EFNA5: variants seen among roughly 807,000 people sequenced by gnomAD.
The protein encoded by EFNA5 is ephrin A5.
In EFNA5, 5 loss-of-function variants were observed where a neutral mutation model predicts 22.9. That is an observed-to-expected ratio of 0.22 (90% CI 0.11 to 0.46). EFNA5 has a LOEUF of 0.46. Among genes scored for constraint, EFNA5 ranks in the 20% least tolerant of loss-of-function variants. The probability of loss-of-function intolerance (pLI) is 0.99; values close to 1 mark genes in which losing one functional copy is unlikely to be tolerated. For missense variants in EFNA5, 237 were observed against 293.3 expected (o/e 0.81, Z 1.40); for synonymous variants, 113 against 112.2 (o/e 1.01, Z -0.04).
At chr5:107,606,582 C>CAG (rs398050642) in intron 1 of EFNA5, among the ~76,000 whole-genome samples, 3,019 of 143,472 alleles carry the variant, frequency 0.021, 106 homozygotes, top group African/African-American at 0.072. Context: ...CACACACACA[C>CAG]AGAGCTAGTA....
chr5:107,461,495 A>T (rs1211594473), intron 1 of EFNA5, among the ~76,000 whole-genome samples: 1 of 152,100 alleles, frequency 6.6e-6, no homozygotes, highest in Non-Finnish European at 1.5e-5. Flanking sequence ...GAGGGGGGAA[A>T]AAAAGACCTT....
chr5:107,603,639 T>C (rs1446179786), intron 1 of EFNA5, among the ~76,000 whole-genome samples: 1 of 152,244 alleles, frequency 6.6e-6, no homozygotes, highest in Non-Finnish European at 1.5e-5. Flanking sequence ...CATCAGTGTT[T>C]TACATGTGTT....
intron 1 of EFNA5, among the ~76,000 whole-genome samples, chr5:107,522,578 ATTAT>A (rs1184524708): frequency 1.3e-5 from 2 of 152,044 alleles, no homozygotes; most frequent in Admixed American, 6.6e-5. Flanking sequence ...TTAAAAATAA[ATTAT>A]TTATTTTTTT....
intron 1 of EFNA5, among the ~76,000 whole-genome samples, chr5:107,518,704 G>A (rs1747533654): frequency 6.6e-6 from 1 of 152,132 alleles, no homozygotes; most frequent in Admixed American, 6.5e-5. Context: ...GCACCCCTAT[G>A]AGCTGCTGAA....
intron 1 of EFNA5, among the ~76,000 whole-genome samples, chr5:107,520,041 G>A (rs1229739511): frequency 6.6e-6 from 1 of 152,142 alleles, no homozygotes; most frequent in Non-Finnish European, 1.5e-5. Flanking sequence ...AAGGTCCACA[G>A]AACCATCTCA....
chr5:107,454,861 TATGAGAGA>T (rs1404238556), intron 1 of EFNA5, among the ~76,000 whole-genome samples: 1 of 152,166 alleles, frequency 6.6e-6, no homozygotes, highest in African/African-American at 2.4e-5. Flanking sequence ...CCACTGTGGC[TATGAGAGA>T]ATGAGAGGGA....
At position 107,591,883 on chromosome 5, in the gene EFNA5, TATATATATTATATATA is replaced by T. The variant is rs1349272183; in HGVS notation, c.125+78590_125+78605del. 1.6e-4 allele frequency among the ~76,000 whole-genome samples: 4 copies of T among 24,542 alleles called. No individual in the cohort carries two copies. In the East Asian group the frequency reaches 2.3e-3, roughly 14 times the overall value. The allele number at this position is 24,542 out of a possible 152,430, so 16.1% of individuals were successfully genotyped here. A position where few individuals can be genotyped will look rare whatever the true frequency, so the allele number is the denominator to read the frequency against. On this transcript the variant is annotated intron_variant, in intron 1 of 4. Coordinates refer to ENST00000333274, the MANE Select transcript of EFNA5 (RefSeq NM_001962.3). ...TAAAAAATATATATATAATATATAA[TATATATATTATATATA>T]ATATATAATATAAAAAATATATATA...
At chr5:107,592,012 T>TA (rs1561443236) in intron 1 of EFNA5, among the ~76,000 whole-genome samples, 1 of 48,662 alleles carries the variant, frequency 2.1e-5, no homozygotes, top group African/African-American at 1.2e-4. Flanking sequence ...ATATAATATA[T>TA]ATAATATAAT....
chr5:107,636,164 G>A, intron 1 of EFNA5, among the ~76,000 whole-genome samples: 1 of 152,242 alleles, frequency 6.6e-6, no homozygotes, highest in East Asian at 1.9e-4. Context: ...ATATATGTGT[G>A]TGTACATAAA....
intron 2 of EFNA5, among the ~76,000 whole-genome samples, chr5:107,402,963 T>C (rs1748123101): frequency 6.6e-6 from 1 of 152,220 alleles, no homozygotes; most frequent in Non-Finnish European, 1.5e-5. Flanking sequence ...ATAAAACTCT[T>C]CTTCTGTCTG....
At chr5:107,596,607 T>C (rs1749477993) in intron 1 of EFNA5, among the ~76,000 whole-genome samples, 1 of 152,176 alleles carries the variant, frequency 6.6e-6, no homozygotes, top group South Asian at 2.1e-4. Context: ...GTGATGACTT[T>C]CCTTTTTTAA....
chr5:107,545,698 GA>G (rs1370435990), intron 1 of EFNA5, among the ~76,000 whole-genome samples: 1 of 152,130 alleles, frequency 6.6e-6, no homozygotes. Flanking sequence ...GCATCAAAGG[GA>G]AATTTTCAAC....
chr5:107,579,090 T>C (rs2112492999), intron 1 of EFNA5, among the ~76,000 whole-genome samples: 1 of 152,266 alleles, frequency 6.6e-6, no homozygotes, highest in East Asian at 1.9e-4. Flanking sequence ...CTGCATGCCT[T>C]GAACTCTACA....
chr5:107,437,259 G>A (rs909593111), intron 1 of EFNA5, among the ~76,000 whole-genome samples: 2 of 152,140 alleles, frequency 1.3e-5, no homozygotes, highest in African/African-American at 4.8e-5. Context: ...GGTAATGCTA[G>A]GGCATGATAA....
At position 107,478,610 on chromosome 5, in the gene EFNA5, G is replaced by A. The variant is rs982810795; in HGVS notation, c.126-51101C>T. 7.9e-5 allele frequency among the ~76,000 whole-genome samples: 12 copies of A among 152,264 alleles called. No homozygotes were observed. The East Asian group carries it at 2.3e-3, about 29-fold the overall frequency. ...TCAGACAGGAAAAAATATACAGCAT[G>A]AAAGTTGAAAACTTCTAGACAGCAT... On this transcript the variant is annotated intron_variant, in intron 1 of 4. Coordinates refer to ENST00000333274, the MANE Select transcript of EFNA5 (RefSeq NM_001962.3).
intron 1 of EFNA5, among the ~76,000 whole-genome samples, chr5:107,654,632 T>C (rs781349267): frequency 1.6e-4 from 24 of 152,088 alleles, no homozygotes; most frequent in Non-Finnish European, 2.4e-4. Flanking sequence ...AAAAGAGAAA[T>C]TGAAGAGAAT....
chr5:107,652,245 G>A (rs1046851956), intron 1 of EFNA5, among the ~76,000 whole-genome samples: 15 of 152,052 alleles, frequency 9.9e-5, no homozygotes, highest in Non-Finnish European at 2.9e-5. Context: ...CCATATACAA[G>A]GTTACAGCCA....
intron 1 of EFNA5, among the ~76,000 whole-genome samples, chr5:107,611,127 T>C (rs1749813428): frequency 2.0e-5 from 3 of 152,106 alleles, no homozygotes; most frequent in Admixed American, 2.0e-4. Flanking sequence ...ATGAACTGCC[T>C]GGAAGAACTC....
chr5:107,427,653 T>C (rs987333123), intron 1 of EFNA5, 144 bp from the exon 2 acceptor site: 1 of 685,256 alleles, frequency 1.5e-6, no homozygotes, highest in Non-Finnish European at 2.2e-6. Flanking sequence ...ATTTGGGGCA[T>C]GGTTTGAAAT....
Sources: allele counts gnomAD v4.1 joint callset (sites outside exome capture counted in the v4.1 genomes callset), GRCh38; gene constraint gnomAD v4.1.1; transcripts MANE v1.5; gene names NCBI Gene and HGNC (gene_info 2026-07-23, HGNC 2026-07-21).